ZNF649: variants seen among roughly 807,000 people sequenced by gnomAD.
The protein encoded by ZNF649 is zinc finger protein 649.
A neutral mutation model predicts 14.1 loss-of-function variants in ZNF649; 7 were observed. The observed-to-expected ratio is 0.49, with a 90% CI of 0.28 to 0.93. The LOEUF is 0.93. Among genes scored for constraint, ZNF649 ranks in the 40% least tolerant of loss-of-function variants. The pLI is 0.10. For synonymous variants in ZNF649, 227 were observed against 212.3 expected (o/e 1.07, Z -0.60); for missense variants, 544 against 608.1 (o/e 0.89, Z 1.11).
rs2085025391 is a variant in ZNF649, at chr19:51,891,836, C to T, written c.300G>A (p.Arg100=). The T allele has an allele frequency of 1.3e-6, 2 of 1,592,192 alleles. No individual in the cohort carries two copies. The highest frequency in any genetic ancestry group is 1.7e-6 in the Non-Finnish European group (2 of 1,174,470). The change falls in exon 5 of 5, where the codon AGG becomes AGA. Residue 100 remains arginine, a synonymous_variant. Coordinates refer to ENST00000354957, the MANE Select transcript of ZNF649 (RefSeq NM_023074.4). The surrounding 1 kb of genome is among the most constrained non-coding windows in gnomAD (Gnocchi z 4.2). ...TTCCGTGTTCATAGCGTTGTCCCGT[C>T]CTCTTCAGTATTTTTTGGTTTTGCA... ...QPLQNQKILK[R]TGQRYEHGRT... is the part of the protein sequence containing the mutation.
At chr19:51,902,819 C>T (rs1168549388) in intron 1 of ZNF649, among the ~76,000 whole-genome samples, 1 of 152,216 alleles carries the variant, frequency 6.6e-6, no homozygotes, top group Non-Finnish European at 1.5e-5. Context: ...TAGGATTTGA[C>T]ATTTTCAGTG....
rs150082546 is a variant in ZNF649 at position 51,891,897 on chromosome 19, T to C, written c.239A>G (p.Glu80Gly). 9.5e-4 allele frequency: 1,465 copies of C among 1,549,116 alleles called. 10 individuals carry two copies. In the Middle Eastern group the frequency reaches 0.012, roughly 12 times the overall value. ...CAGATGATCATCAGCTTTCTCAATT[T>C]CTAAGAGAGAGAACAATAAATCCTT... The part of the protein sequence containing the change: ...EDEIHSPAHP[E>G]IEKADDHLQQ... The change falls in exon 5 of 5, where the codon GAA (glutamate) becomes GGA (glycine). Residue 80 changes from glutamate (E) to glycine (G), a missense_variant and splice_region_variant. Transcript: ENST00000354957. This position sits in a 1 kb window ranked among gnomAD's most constrained non-coding sequence, Gnocchi z 4.2.
At chr19:51,900,052 A>G in intron 2 of ZNF649, 41 bp downstream of exon 2, 1 of 1,462,728 alleles carries the variant, frequency 6.8e-7, no homozygotes, top group South Asian at 1.6e-5. Flanking sequence ...CCACAAATCC[A>G]TCAGGGAATC....
intron 1 of ZNF649, among the ~76,000 whole-genome samples, chr19:51,902,918 G>A (rs1395799640): frequency 6.6e-6 from 1 of 152,078 alleles, no homozygotes; most frequent in African/African-American, 2.4e-5. Flanking sequence ...TTCCCAAGGC[G>A]ACCTACTAGA....
At chr19:51,901,811 C>T (rs1482577989) in intron 1 of ZNF649, among the ~76,000 whole-genome samples, 1 of 151,942 alleles carries the variant, frequency 6.6e-6, no homozygotes, top group Non-Finnish European at 1.5e-5. Flanking sequence ...AGCATGGTGG[C>T]ACATGCCTGT....
intron 2 of ZNF649, among the ~76,000 whole-genome samples, chr19:51,898,846 G>A (rs2085079390): frequency 6.6e-6 from 1 of 152,092 alleles, no homozygotes; most frequent in Non-Finnish European, 1.5e-5. Flanking sequence ...CCAGAAGGTG[G>A]AGGATGCAGT....
At chr19:51,892,156 AC>A (rs1300548690) in intron 4 of ZNF649, among the ~76,000 whole-genome samples, 1 of 152,082 alleles carries the variant, frequency 6.6e-6, no homozygotes, top group East Asian at 1.9e-4. Flanking sequence ...CGGGTGGATC[AC>A]AAGGTCAAGA....
intron 2 of ZNF649, among the ~76,000 whole-genome samples, chr19:51,897,485 TAC>T (rs557391040): frequency 1.1e-3 from 162 of 152,300 alleles, no homozygotes; most frequent in Non-Finnish European, 1.3e-3. Context: ...AACTATATGC[TAC>T]AGTCATATAG....
chr19:51,904,891 C>T (rs946676800), intron 1 of ZNF649, 23 bp downstream of exon 1: 2 of 152,460 alleles, frequency 1.3e-5, no homozygotes, highest in African/African-American at 4.8e-5. Flanking sequence ...TAACCTACTC[C>T]ACGGAGAGAC....
chr19:51,896,293 A>G, intron 4 of ZNF649, 179 bp downstream of exon 4: 1 of 548,396 alleles, frequency 1.8e-6, no homozygotes, highest in Non-Finnish European at 3.3e-6. Context: ...GAAGAGATAA[A>G]GGGGTATGTA....
rs2085004930 is a variant in ZNF649, at chr19:51,889,780, A to C, written c.*838T>G. The C allele has an allele frequency of 6.6e-6, 1 of 152,270 alleles. No individual in the cohort carries two copies. The allele number at this position is 152,270 out of a possible 1,614,324, so 9.4% of individuals were successfully genotyped here. ...CAACAAAGGAGACAATATGTAATAT[A>C]AACACACTCAGCTACTCTAAGGGAA... On this transcript the variant is annotated 3_prime_UTR_variant, in exon 5 of 5. Transcript: ENST00000354957.
intron 1 of ZNF649, among the ~76,000 whole-genome samples, chr19:51,902,864 C>T (rs2085102611): frequency 6.6e-6 from 1 of 152,108 alleles, no homozygotes; most frequent in Admixed American, 6.5e-5. Context: ...ATGGAAATAC[C>T]ACTACTAAAA....
chr19:51,899,813 G>A (rs576859752), intron 2 of ZNF649: 399 of 344,500 alleles, frequency 1.2e-3, no homozygotes, highest in Admixed American at 2.9e-3. Flanking sequence ...TTCTCTGGGT[G>A]TGATGGTGGC....
chr19:51,900,160 C>A lies in ZNF649; in HGVS notation c.-53G>T, dbSNP rs2085086935. 1 of 1,434,186 alleles carries A rather than the reference C, an allele frequency of 7.0e-7. No individual in the cohort carries two copies. Among genetic ancestry groups the A allele is most frequent in the Admixed American group, 2.4e-5 (1 of 41,758 alleles). 88.8% of individuals were successfully genotyped at this position (1,434,186 alleles called of 1,614,324 possible). On this transcript the variant is annotated 5_prime_UTR_variant, in exon 2 of 5. Transcript: ENST00000354957. ...AACTGGGATGCTTCGTCTTTGGTTT[C>A]TTCTGGATCCTCCCTAAATTTTGGC... is the stretch of plus-strand genomic sequence containing the variant.
At chr19:51,893,731 A>T (rs2085039555) in intron 4 of ZNF649, among the ~76,000 whole-genome samples, 2 of 152,248 alleles carry the variant, frequency 1.3e-5, no homozygotes, top group Admixed American at 6.5e-5. Context: ...TGTCCCTAAT[A>T]TACTAATTCC....
chr19:51,897,151 A>G, intron 2 of ZNF649, 173 bp from the exon 3 acceptor site: 1 of 816,416 alleles, frequency 1.2e-6, no homozygotes, highest in Non-Finnish European at 1.9e-6. Context: ...CATACTCATG[A>G]CCTACAGTTG....
Position 51,896,837 on chromosome 19 carries a change from G to A in ZNF649, c.142+15C>T, listed in dbSNP as rs367653878. The A allele has an allele frequency of 1.4e-4, 222 of 1,614,042 alleles. 1 individual carries two copies. The African/African-American group carries it at 2.3e-3, about 16-fold the overall frequency. On this transcript the variant is annotated intron_variant, in intron 3 of 4. Coordinates refer to ENST00000354957, the MANE Select transcript of ZNF649 (RefSeq NM_023074.4). ...ACTGGGTACCCTCTGAGTGACACAG[G>A]GCAGCTGTCCTCACCCACTGACACA...
chr19:51,896,664 G>T (rs1265577448), intron 3 of ZNF649, 97 bp from the exon 4 acceptor site: 2 of 1,535,736 alleles, frequency 1.3e-6, no homozygotes, highest in Admixed American at 1.7e-5. Context: ...TGCATAATTT[G>T]CATGTTAGCA....
chr19:51,893,652 G>A (rs1414530186), intron 4 of ZNF649, among the ~76,000 whole-genome samples: 1 of 152,110 alleles, frequency 6.6e-6, no homozygotes, highest in Non-Finnish European at 1.5e-5. Flanking sequence ...CACCAAATAT[G>A]GAAACTGTCA....
Sources: allele counts gnomAD v4.1 joint callset (sites outside exome capture counted in the v4.1 genomes callset), GRCh38; gene constraint gnomAD v4.1.1; non-coding constraint Gnocchi (gnomAD v3.1); transcripts MANE v1.5; gene names NCBI Gene and HGNC (gene_info 2026-07-23, HGNC 2026-07-21).